Variants in CCDC110 observed in about 807,000 individuals in gnomAD.
CCDC110 encodes the protein coiled-coil domain containing 110, also known as coiled-coil domain-containing protein 110.
CCDC110 carries 70 observed loss-of-function variants against 77.1 expected under a neutral mutation model. The observed-to-expected ratio is 0.91, with a 90% CI of 0.75 to 1.11. The LOEUF (loss-of-function observed/expected upper bound fraction) is 1.11, where lower values mean the gene tolerates loss of function less well. Ranked by LOEUF, CCDC110 falls within the 50% of genes least tolerant of loss-of-function variation. The pLI is 0.00. For missense variants in CCDC110, 868 were observed against 942.9 expected (o/e 0.92, Z 1.04); for synonymous variants, 295 against 312.5 (o/e 0.94, Z 0.59).
In CCDC110 at chr4:185,458,263, C is replaced by T; in HGVS notation, c.2324G>A (p.Ser775Asn). 6.2e-7 allele frequency: 1 copy of T among 1,600,318 alleles called. No homozygotes were observed. Among genetic ancestry groups the T allele is most frequent in the Non-Finnish European group, 8.5e-7 (1 of 1,176,498 alleles). The stretch of plus-strand genomic sequence containing the variant: ...ATTATGCTGATTACAAATTTTATCA[C>T]TTAAACTTAAATATTCTCGTTGAAG... ...RHLQREYLSL[S>N]DKICNQHNDP... Residue 775 changes from serine to asparagine, a missense_variant, in exon 6 of 7, where the codon AGT becomes AAT. Coordinates refer to ENST00000307588, the MANE Select transcript of CCDC110 (RefSeq NM_152775.4).
At chr4:185,455,802 G>A (rs1456826817) in intron 6 of CCDC110, among the ~76,000 whole-genome samples, 28 of 152,064 alleles carry the variant, frequency 1.8e-4, no homozygotes, top group Admixed American at 1.8e-3. Context: ...AGAATTGCTG[G>A]AACCCAGGAG....
intron 6 of CCDC110, among the ~76,000 whole-genome samples, chr4:185,454,485 G>A (rs953646972): frequency 7.9e-5 from 12 of 151,914 alleles, no homozygotes; most frequent in Non-Finnish European, 1.3e-4. Flanking sequence ...AGGCTGAGGC[G>A]GGAGGATCAC....
chr4:185,448,058 T>C (rs2095619359), intron 6 of CCDC110, among the ~76,000 whole-genome samples: 1 of 152,218 alleles, frequency 6.6e-6, no homozygotes, highest in African/African-American at 2.4e-5. Context: ...TTCACTCTTG[T>C]CACCCAGGCT....
rs768084419 is a variant in CCDC110 at position 185,459,198 on chromosome 4, G to A, written c.1389C>T (p.Ile463=). 3 of 1,603,532 alleles carry A rather than the reference G, an allele frequency of 1.9e-6. No individual in the cohort carries two copies. Among genetic ancestry groups the A allele is most frequent in the Non-Finnish European group, 1.7e-6 (2 of 1,176,810 alleles). The stretch of plus-strand genomic sequence containing the variant: ...TCTGTATGAGAGATTGTGTGGTAAA[G>A]ATAAGAGGTTTCATTTTGGACTTAA... The part of the protein sequence containing the change: ...LNLKSKMKPL[I]FTTQSLIQKV... Residue 463 remains isoleucine, a synonymous_variant, in exon 6 of 7, where the codon ATC becomes ATT. Coordinates refer to ENST00000307588, the MANE Select transcript of CCDC110 (RefSeq NM_152775.4).
chr4:185,451,447 T>C (rs750439127), intron 6 of CCDC110, among the ~76,000 whole-genome samples: 2 of 151,948 alleles, frequency 1.3e-5, no homozygotes, highest in Non-Finnish European at 2.9e-5. Context: ...GAAGGAGGAG[T>C]GCAGATGGTA....
intron 2 of CCDC110, 116 bp from the exon 3 acceptor site, chr4:185,463,165 C>G (rs767868549): frequency 1.4e-6 from 1 of 705,518 alleles, no homozygotes; most frequent in Non-Finnish European, 2.5e-6. Context: ...ATAATGAGAA[C>G]TTCTGATATT....
At chr4:185,463,788 A>T (rs2095650641) in intron 2 of CCDC110, among the ~76,000 whole-genome samples, 1 of 152,228 alleles carries the variant, frequency 6.6e-6, no homozygotes, top group Non-Finnish European at 1.5e-5. Flanking sequence ...ATGGGCCAGA[A>T]GGGGCCCTCT....
intron 5 of CCDC110, chr4:185,460,775 A>C: frequency 2.7e-6 from 1 of 365,136 alleles, no homozygotes; most frequent in South Asian, 2.5e-5. Flanking sequence ...GATTGGCTAT[A>C]AAAACTGCCT....
rs528386297 is a variant in CCDC110 at position 185,449,074 on chromosome 4, G to A, written c.2462-3532C>T. On this transcript the variant is annotated intron_variant, in intron 6 of 6. Coordinates refer to ENST00000307588, the MANE Select transcript of CCDC110 (RefSeq NM_152775.4). Reference sequence around the variant, plus strand: ...GACACCAGAATTTAAAATTGATTCCGTAATTGTTTTCCTTCTTAAATTGTA... The same window carrying A: ...GACACCAGAATTTAAAATTGATTCCATAATTGTTTTCCTTCTTAAATTGTA... Among the ~76,000 whole-genome samples, 6 of 152,172 alleles carry A rather than the reference G, an allele frequency of 3.9e-5. No individual in the cohort carries two copies. The South Asian group carries it at 8.3e-4, about 21-fold the overall frequency.
rs2095639589 is a variant in CCDC110 at position 185,458,454 on chromosome 4, G to A, written c.2133C>T (p.Thr711=). 6.3e-7 allele frequency: 1 copy of A among 1,597,530 alleles called. No individual in the cohort carries two copies. The highest frequency in any genetic ancestry group is 8.5e-7 in the Non-Finnish European group (1 of 1,174,284). Residue 711 remains threonine, a synonymous_variant, in exon 6 of 7, where the codon ACC becomes ACT. Coordinates refer to ENST00000307588, the MANE Select transcript of CCDC110 (RefSeq NM_152775.4). ...CTTTTAGAATCTGATTATCTGTTTTGGTTTCCATTACCATTTTTGATAACA... is the reference window on the plus strand; with the variant it reads ...CTTTTAGAATCTGATTATCTGTTTTAGTTTCCATTACCATTTTTGATAACA... ...CEMLSKMVME[T]KTDNQILKEE...
Position 185,471,708 on chromosome 4 carries a change from C to T in CCDC110, c.-25G>A, listed in dbSNP as rs1344426258. Reference sequence around the variant, plus strand: ...TCGCCGCGGCTCATCTCTCTCGCAACCGCCGCCGCACGCACCCGCTCCGCC... The same window carrying T: ...TCGCCGCGGCTCATCTCTCTCGCAATCGCCGCCGCACGCACCCGCTCCGCC... On this transcript the variant is annotated 5_prime_UTR_variant, in exon 1 of 7. Coordinates refer to ENST00000307588, the MANE Select transcript of CCDC110 (RefSeq NM_152775.4). The T allele has an allele frequency of 2.9e-5, 44 of 1,537,456 alleles. No individual in the cohort carries two copies. Among genetic ancestry groups the T allele is most frequent in the Non-Finnish European group, 3.4e-5 (39 of 1,146,016 alleles).
intron 6 of CCDC110, among the ~76,000 whole-genome samples, chr4:185,453,306 T>C (rs1201119274): frequency 3.3e-5 from 5 of 152,238 alleles, no homozygotes; most frequent in Admixed American, 3.3e-4. Flanking sequence ...AATTTGTTAA[T>C]TTGAATTTTC....
chr4:185,449,720 A>T, intron 6 of CCDC110: 1 of 1,014,020 alleles, frequency 9.9e-7, no homozygotes, highest in South Asian at 1.7e-5. Flanking sequence ...TTGAAAAAAT[A>T]TAAGATGTTA....
chr4:185,464,248 G>A (rs34059176), intron 2 of CCDC110, among the ~76,000 whole-genome samples: 56,127 of 151,942 alleles, frequency 0.37, 11,252 homozygotes, highest in East Asian at 0.65. Flanking sequence ...TAGAGAAGCC[G>A]CTTGCAAAGT....
intron 2 of CCDC110, among the ~76,000 whole-genome samples, chr4:185,469,672 G>A (rs976392432): frequency 4.6e-5 from 7 of 152,212 alleles, no homozygotes; most frequent in Admixed American, 1.3e-4. Flanking sequence ...GCAGGAGGGC[G>A]GAGAGGGGAC....
intron 6 of CCDC110, among the ~76,000 whole-genome samples, chr4:185,453,543 C>CTTTTTTTTTTTTTTTTTTTTTTTT (rs70962570): frequency 7.6e-6 from 1 of 130,948 alleles, no homozygotes. Context: ...CACAGTCTTG[C>CTTTTTTTTTTTTTTTTTTTTTTTT]TTTTTTTTTT....
chr4:185,471,628 C>T (rs1455775760), intron 1 of CCDC110, 46 bp downstream of exon 1: 11 of 1,550,022 alleles, frequency 7.1e-6, no homozygotes, highest in Admixed American at 1.9e-5. Context: ...CTGCTGCCCT[C>T]CGTTCCCGCG....
intron 4 of CCDC110, among the ~76,000 whole-genome samples, chr4:185,461,394 G>A (rs1424104034): frequency 7.2e-5 from 11 of 152,122 alleles, no homozygotes; most frequent in Admixed American, 7.2e-4. Flanking sequence ...AAAGTTTTAT[G>A]AACTATATTC....
intron 2 of CCDC110, among the ~76,000 whole-genome samples, chr4:185,466,861 C>G (rs1274410570): frequency 1.3e-5 from 2 of 152,102 alleles, no homozygotes; most frequent in Admixed American, 6.5e-5. Flanking sequence ...ATTGCAGAAG[C>G]TGGGACTTGA....
Sources: allele counts gnomAD v4.1 joint callset (sites outside exome capture counted in the v4.1 genomes callset), GRCh38; gene constraint gnomAD v4.1.1; transcripts MANE v1.5; gene names NCBI Gene and HGNC (gene_info 2026-07-23, HGNC 2026-07-21).